SPAST: variants seen among roughly 807,000 people sequenced by gnomAD.
SPAST encodes spastin.
A neutral mutation model predicts 76.6 loss-of-function variants in SPAST; 30 were observed. The ratio of observed to expected loss-of-function variants is 0.39; its 90% CI spans 0.29 to 0.53. SPAST has a LOEUF of 0.53. SPAST is among the 20% of genes least tolerant of loss of function. SPAST has a pLI of 0.68. For synonymous variants in SPAST, 305 were observed against 281.0 expected, an observed-to-expected ratio of 1.09 and a Z score of -0.86; for missense variants, 717 against 770.5, an observed-to-expected ratio of 0.93 and a Z score of 0.82.
At chr2:32,105,027 G>A (rs1047370749) in intron 4 of SPAST, among the ~76,000 whole-genome samples, 4 of 152,134 alleles carry the variant, frequency 2.6e-5, no homozygotes, top group Admixed American at 2.6e-4. Flanking sequence ...ACTTCTCCTG[G>A]ATAATATCCT....
chr2:32,110,624 A>G (rs934544936), intron 4 of SPAST, among the ~76,000 whole-genome samples: 1 of 137,330 alleles, frequency 7.3e-6, no homozygotes, highest in Non-Finnish European at 1.5e-5. Flanking sequence ...TAGTGTATAT[A>G]TAGTATATGT....
chr2:32,136,553 T>C lies in SPAST; in HGVS notation c.1246-10T>C. ...TTTTATGTGTATAACAGTATAATGC[T>C]TTGTTTTAGGTGGGAGAAGGAGAGA... On this transcript the variant is annotated splice_polypyrimidine_tract_variant and intron_variant, in intron 9 of 16. Transcript: ENST00000315285. The C allele has an allele frequency of 6.2e-7, 1 of 1,605,336 alleles. No individual in the cohort carries two copies. The highest frequency in any genetic ancestry group is 8.5e-7 in the Non-Finnish European group (1 of 1,172,026).
chr2:32,099,323 T>C lies in SPAST; in HGVS notation c.682+432T>C, dbSNP rs185681347. ...ATTTATAGTATATGTGAATGTCTTA[T>C]AGTACTTGATAGAAGAAATTTGAAA... On this transcript the variant is annotated intron_variant, in intron 4 of 16. Transcript: ENST00000315285. Among the ~76,000 whole-genome samples, 65 of 152,324 alleles carry C rather than the reference T, an allele frequency of 4.3e-4. 1 individual carries two copies. Among genetic ancestry groups the C allele is most frequent in the African/African-American group, 1.5e-3 (62 of 41,596 alleles).
In SPAST at chr2:32,127,041, T is replaced by G. The variant is rs764991439; in HGVS notation, c.1173+19T>G. On this transcript the variant is annotated intron_variant, in intron 8 of 16. Transcript: ENST00000315285. ...AATGCTGGTAAGGGTTCTCTTCAAA[T>G]TTGAGTTTTCTGTTGAGATATTTGG... 1 of 1,564,208 alleles carries G rather than the reference T, an allele frequency of 6.4e-7. No individual in the cohort carries two copies. Among genetic ancestry groups the G allele is most frequent in the Non-Finnish European group, 8.8e-7 (1 of 1,134,482 alleles).
intron 1 of SPAST, among the ~76,000 whole-genome samples, chr2:32,081,939 A>G (rs184062925): frequency 4.7e-5 from 7 of 149,108 alleles, no homozygotes; most frequent in Non-Finnish European, 7.4e-5. Flanking sequence ...GGTAATTTTC[A>G]TTGTTTTGGA....
rs559379621 is a variant in SPAST, at chr2:32,152,533, G to GGTAA, written c.1729-1840_1729-1837dup. ...GATCATGCCACTGCACTCCAGCCTG[G>GGTAA]GTAACAGTGAGACCCTGTCTCAAAA... is the stretch of plus-strand genomic sequence containing the variant. On this transcript the variant is annotated intron_variant, in intron 16 of 16. Coordinates refer to ENST00000315285, the MANE Select transcript of SPAST (RefSeq NM_014946.4). 1.5e-4 allele frequency among the ~76,000 whole-genome samples: 23 copies of GGTAA among 152,152 alleles called. 1 individual carries two copies. The East Asian group carries it at 3.5e-3, about 23-fold the overall frequency.
intron 1 of SPAST, among the ~76,000 whole-genome samples, chr2:32,064,727 C>G (rs1486342309): frequency 1.3e-5 from 2 of 152,190 alleles, no homozygotes; most frequent in Non-Finnish European, 2.9e-5. Flanking sequence ...AAAGAAATAG[C>G]TGCATATGAC....
At chr2:32,150,800 A>T (rs1015995569) in intron 16 of SPAST, among the ~76,000 whole-genome samples, 1 of 152,198 alleles carries the variant, frequency 6.6e-6, no homozygotes, top group African/African-American at 2.4e-5. Context: ...AACATTATTT[A>T]TTAAAAATTT....
In SPAST at chr2:32,084,843, T is replaced by C. The variant is rs1026676560; in HGVS notation, c.416-2649T>C. Among the ~76,000 whole-genome samples, 6 of 127,714 alleles carry C rather than the reference T, an allele frequency of 4.7e-5. No homozygotes were observed. In the Admixed American group the frequency reaches 6.1e-4, roughly 13 times the overall value. 83.8% of individuals were successfully genotyped at this position (127,714 alleles called of 152,430 possible). A position where few individuals can be genotyped will look rare whatever the true frequency, so the allele number is the denominator to read the frequency against. Reference sequence around the variant, plus strand: ...TGGAGGTTGTAGTGAGCCGAGATCATGCCTACTGCACTCCAGCCTGGGCAA... The same window carrying C: ...TGGAGGTTGTAGTGAGCCGAGATCACGCCTACTGCACTCCAGCCTGGGCAA... On this transcript the variant is annotated intron_variant, in intron 1 of 16. Transcript: ENST00000315285.
chr2:32,141,162 T>C lies in SPAST; in HGVS notation c.1494-742T>C, dbSNP rs964934928. 8.5e-5 allele frequency among the ~76,000 whole-genome samples: 13 copies of C among 152,202 alleles called. No homozygotes were observed. The East Asian group carries it at 2.1e-3, about 25-fold the overall frequency. The stretch of plus-strand genomic sequence containing the variant: ...TACCTAATAATGAAGTATATGTGTA[T>C]GTAAATAAGAGATAGGGTTGATTTA... On this transcript the variant is annotated intron_variant, in intron 12 of 16. Transcript: ENST00000315285.
intron 1 of SPAST, among the ~76,000 whole-genome samples, chr2:32,068,431 C>T (rs1319409661): frequency 2.6e-5 from 4 of 151,988 alleles, no homozygotes; most frequent in Non-Finnish European, 2.9e-5. Flanking sequence ...AAGCGATTCT[C>T]CTGCCTCAGC....
At position 32,130,898 on chromosome 2, in the gene SPAST, A is replaced by C. The variant is rs572560651; in HGVS notation, c.1245+2419A>C. ...GATCTATGTCTTCGGAACAGACATG[A>C]GATCAGAATTGTCTAGCTGCTATGA... On this transcript the variant is annotated intron_variant, in intron 9 of 16. Coordinates refer to ENST00000315285, the MANE Select transcript of SPAST (RefSeq NM_014946.4). Among the ~76,000 whole-genome samples, 21 of 152,272 alleles carry C rather than the reference A, an allele frequency of 1.4e-4. No homozygotes were observed. The South Asian group carries it at 4.4e-3, about 32-fold the overall frequency.
chr2:32,136,044 C>G (rs1331190088), intron 9 of SPAST, among the ~76,000 whole-genome samples: 1 of 149,322 alleles, frequency 6.7e-6, no homozygotes, highest in Admixed American at 6.7e-5. Flanking sequence ...CACCACTGCA[C>G]TCCAGACTGG....
chr2:32,121,856 C>A (rs1679031827), intron 7 of SPAST, among the ~76,000 whole-genome samples: 1 of 152,184 alleles, frequency 6.6e-6, no homozygotes, highest in Non-Finnish European at 1.5e-5. Context: ...ATTCTGATTT[C>A]ATAGATGCAG....
chr2:32,082,534 T>C (rs1037291199), intron 1 of SPAST, among the ~76,000 whole-genome samples: 1 of 151,980 alleles, frequency 6.6e-6, no homozygotes, highest in Admixed American at 6.6e-5. Context: ...CCGTCTCTAC[T>C]AAAAATACAA....
At chr2:32,136,312 A>G (rs1023875935) in intron 9 of SPAST, among the ~76,000 whole-genome samples, 6 of 152,206 alleles carry the variant, frequency 3.9e-5, no homozygotes, top group African/African-American at 1.4e-4. Context: ...TTCATTCTCA[A>G]GTCTTAGGAA....
intron 7 of SPAST, among the ~76,000 whole-genome samples, chr2:32,122,027 G>C (rs1679038351): frequency 6.6e-6 from 1 of 152,112 alleles, no homozygotes; most frequent in Admixed American, 6.5e-5. Context: ...ATATTACGTG[G>C]AACAATAAAA....
chr2:32,112,297 G>C (rs1264404148), intron 4 of SPAST, among the ~76,000 whole-genome samples: 1 of 150,406 alleles, frequency 6.6e-6, no homozygotes, highest in Non-Finnish European at 1.5e-5. Context: ...CTATCAAGTA[G>C]TAGGTCTTAT....
intron 1 of SPAST, among the ~76,000 whole-genome samples, chr2:32,079,280 G>A (rs931105415): frequency 1.2e-4 from 18 of 151,950 alleles, no homozygotes; most frequent in Admixed American, 1.2e-3. Context: ...ATTTTGGGAG[G>A]CTAAGTGGGA....
Sources: allele counts gnomAD v4.1 joint callset (sites outside exome capture counted in the v4.1 genomes callset), GRCh38; gene constraint gnomAD v4.1.1; transcripts MANE v1.5; gene names NCBI Gene and HGNC (gene_info 2026-07-23, HGNC 2026-07-21).